USP25: variants seen among roughly 807,000 people sequenced by gnomAD.
USP25 encodes the protein ubiquitin specific peptidase 25.
USP25 carries 85 observed loss-of-function variants against 158.5 expected under a neutral mutation model. That is an observed-to-expected ratio of 0.54 (90% CI 0.45 to 0.64). USP25 has a LOEUF of 0.64. Ranked by LOEUF, USP25 falls within the 30% of genes least tolerant of loss-of-function variation. The probability of loss-of-function intolerance (pLI) is 0.00; values close to 1 mark genes in which losing one functional copy is unlikely to be tolerated. For missense variants in USP25, 1,242 were observed against 1,327.3 expected (o/e 0.94, Z 1.00); for synonymous variants, 464 against 460.4 (o/e 1.01, Z -0.10).
intron 1 of USP25, among the ~76,000 whole-genome samples, chr21:15,736,912 T>A (rs2123178801): frequency 6.6e-6 from 1 of 151,612 alleles, no homozygotes; most frequent in Non-Finnish European, 1.5e-5. Flanking sequence ...GATGCCACTC[T>A]GCTTTTTTTT....
At chr21:15,814,816 A>C (rs543012224) in intron 9 of USP25, among the ~76,000 whole-genome samples, 1 of 152,338 alleles carries the variant, frequency 6.6e-6, no homozygotes, top group East Asian at 1.9e-4. Context: ...CTGATGATCC[A>C]GTAGAGCAGA....
At chr21:15,731,033 C>G (rs983720659) in intron 1 of USP25, among the ~76,000 whole-genome samples, 3 of 123,384 alleles carry the variant, frequency 2.4e-5, no homozygotes, top group Non-Finnish European at 4.8e-5. Context: ...GAGAGGAAAC[C>G]TTTCTGGCCA....
chr21:15,759,227 G>T (rs1049468393), intron 1 of USP25, among the ~76,000 whole-genome samples: 2 of 151,958 alleles, frequency 1.3e-5, no homozygotes, highest in Middle Eastern at 3.2e-3. Flanking sequence ...CGTAATGTTG[G>T]GTATTGCATG....
intron 11 of USP25, among the ~76,000 whole-genome samples, chr21:15,824,656 G>A (rs969307669): frequency 2.6e-5 from 4 of 151,644 alleles, no homozygotes; most frequent in African/African-American, 7.3e-5. Flanking sequence ...TTGCTCTGTC[G>A]CCCAGGCTGG....
chr21:15,743,317 C>G lies in USP25; in HGVS notation c.45+12879C>G, dbSNP rs1410707731. Among the ~76,000 whole-genome samples, 3 of 152,168 alleles carry G rather than the reference C, an allele frequency of 2.0e-5. 1 individual carries two copies. Among genetic ancestry groups the G allele is most frequent in the Admixed American group, 2.0e-4 (3 of 15,284 alleles). ...GTGCGTGTTACAGCCGTTCTTTGTTCCCACCGTTTGGCGAGTTCTGGGTTT... is the reference window on the plus strand; with the variant it reads ...GTGCGTGTTACAGCCGTTCTTTGTTGCCACCGTTTGGCGAGTTCTGGGTTT... On this transcript the variant is annotated intron_variant, in intron 1 of 25. Coordinates refer to ENST00000400183, the MANE Select transcript of USP25 (RefSeq NM_001283041.3).
intron 17 of USP25, among the ~76,000 whole-genome samples, chr21:15,837,312 C>A (rs1183335611): frequency 4.1e-5 from 3 of 72,414 alleles, no homozygotes. Flanking sequence ...TTCAGCCAGC[C>A]ATCCTTTGCT....
At chr21:15,743,261 C>G (rs796586791) in intron 1 of USP25, among the ~76,000 whole-genome samples, 3 of 152,316 alleles carry the variant, frequency 2.0e-5, no homozygotes, top group African/African-American at 7.2e-5. Flanking sequence ...TCTTTTCATG[C>G]CCACTGCCCA....
chr21:15,768,412 G>A (rs980842830), intron 3 of USP25, among the ~76,000 whole-genome samples: 1 of 152,078 alleles, frequency 6.6e-6, no homozygotes, highest in Non-Finnish European at 1.5e-5. Context: ...CCTGCCAGTA[G>A]TGTCATAATG....
chr21:15,800,534 A>T (rs2036080110), intron 6 of USP25, among the ~76,000 whole-genome samples: 1 of 149,228 alleles, frequency 6.7e-6, no homozygotes, highest in Non-Finnish European at 1.5e-5. Context: ...AATAAAAAAA[A>T]TTAAAAAAAA....
chr21:15,847,487 T>C (rs1442701392), intron 18 of USP25, among the ~76,000 whole-genome samples, 176 bp from the exon 19 acceptor site: 2 of 152,178 alleles, frequency 1.3e-5, no homozygotes. Context: ...TTTAAAAGAT[T>C]TAAGAGTATG....
At chr21:15,809,991 G>C (rs962985547) in intron 8 of USP25, among the ~76,000 whole-genome samples, 2 of 152,116 alleles carry the variant, frequency 1.3e-5, no homozygotes, top group Admixed American at 6.5e-5. Flanking sequence ...CCAGAGGCTG[G>C]GGGGAGGGGG....
intron 4 of USP25, among the ~76,000 whole-genome samples, chr21:15,783,464 A>G (rs181033545): frequency 2.1e-4 from 32 of 152,308 alleles, no homozygotes; most frequent in African/African-American, 6.0e-4. Flanking sequence ...AAGGTACACA[A>G]TTCTAAAAGC....
At chr21:15,776,412 A>G in intron 3 of USP25, among the ~76,000 whole-genome samples, 1 of 152,102 alleles carries the variant, frequency 6.6e-6, no homozygotes, top group East Asian at 1.9e-4. Flanking sequence ...ACAAGCTACT[A>G]TTTGGAGAAC....
intron 2 of USP25, 115 bp from the exon 3 acceptor site, chr21:15,765,882 T>A: frequency 3.1e-6 from 3 of 972,270 alleles, no homozygotes; most frequent in Non-Finnish European, 4.4e-6. Context: ...ACATATAGAT[T>A]AATTGCAAAT....
chr21:15,770,764 T>C (rs2034304882), intron 3 of USP25, among the ~76,000 whole-genome samples: 1 of 152,216 alleles, frequency 6.6e-6, no homozygotes, highest in African/African-American at 2.4e-5. Context: ...CACATAATGC[T>C]ACATTTCCAT....
At chr21:15,864,126 T>A (rs1568907008) in intron 20 of USP25, 142 bp from the exon 21 acceptor site, 4 of 737,076 alleles carry the variant, frequency 5.4e-6, no homozygotes, top group Non-Finnish European at 8.3e-6. Flanking sequence ...GTGTTCTTAG[T>A]TGTACTGCCT....
intron 4 of USP25, among the ~76,000 whole-genome samples, chr21:15,789,208 A>G (rs1320873650): frequency 6.6e-6 from 1 of 152,130 alleles, no homozygotes; most frequent in Non-Finnish European, 1.5e-5. Context: ...AAACATGCCA[A>G]TCAAGTGGTG....
In USP25 at chr21:15,826,932, T is replaced by C. The variant is rs763180207; in HGVS notation, c.1467-45T>C. On this transcript the variant is annotated intron_variant, in intron 13 of 25. Transcript: ENST00000400183. This position sits in a 1 kb window ranked among gnomAD's most constrained non-coding sequence, Gnocchi z 4.8. ...GTTTGGCACGATCTTTGTCAAGAGT[T>C]TCAGCTTGAAAGGTTAATAAGAAAT... 6.3e-7 allele frequency: 1 copy of C among 1,593,792 alleles called. No individual in the cohort carries two copies. The highest frequency in any genetic ancestry group is 8.6e-7 in the Non-Finnish European group (1 of 1,169,166).
chr21:15,814,949 T>C (rs1489025459), intron 9 of USP25, among the ~76,000 whole-genome samples: 1 of 152,166 alleles, frequency 6.6e-6, no homozygotes, highest in Non-Finnish European at 1.5e-5. Flanking sequence ...TTATAGGTCT[T>C]CCTGGCAGCC....
Sources: gnomAD v4.1 joint callset for allele counts (sites outside exome capture counted in the v4.1 genomes callset) on GRCh38, gnomAD v4.1.1 for gene constraint, Gnocchi (gnomAD v3.1) non-coding constraint, MANE v1.5 for transcripts, NCBI Gene and HGNC (gene_info 2026-07-23, HGNC 2026-07-21) for gene names.